Variants in ADI1 observed in about 807,000 individuals in gnomAD.
ADI1 encodes acireductone dioxygenase 1.
A neutral mutation model predicts 18.7 loss-of-function variants in ADI1; 21 were observed. The ratio of observed to expected loss-of-function variants is 1.13; its 90% confidence interval spans 0.80 to 1.62. The LOEUF (loss-of-function observed/expected upper bound fraction) is 1.62. Ranked by LOEUF, ADI1 falls within the 40% of genes most tolerant of loss-of-function variation. The pLI is 0.00. For missense variants in ADI1, 245 were observed against 254.9 expected (o/e 0.96, Z 0.26); for synonymous variants, 90 against 100.1 (o/e 0.90, Z 0.60).
intron 2 of ADI1, among the ~76,000 whole-genome samples, chr2:3,510,225 G>A (rs1667270483): frequency 6.6e-6 from 1 of 151,930 alleles, no homozygotes; most frequent in Admixed American, 6.6e-5. Context: ...CGAAGTGGGA[G>A]GACTGCTTAA....
In ADI1 at chr2:3,498,865, G is replaced by A; in HGVS notation, c.*98C>T. ...CAAAGGAAAGATAATCTAGCCTCAA[G>A]GCTATCCTCTAAAAGCAAAGAGAAA... On this transcript the variant is annotated 3_prime_UTR_variant, in exon 4 of 4. Transcript: ENST00000327435. 1 of 1,487,450 alleles carries A rather than the reference G, an allele frequency of 6.7e-7. No homozygotes were observed. The highest frequency in any genetic ancestry group is 9.1e-7 in the Non-Finnish European group (1 of 1,103,478). The allele number at this position is 1,487,450 out of a possible 1,614,324, so 92.1% of individuals were successfully genotyped here.
rs564554359 is a variant in ADI1, at chr2:3,505,252, G to A, written c.241-4259C>T. Among the ~76,000 whole-genome samples, 13 of 152,326 alleles carry A rather than the reference G, an allele frequency of 8.5e-5. No homozygotes were observed. The East Asian group carries it at 2.3e-3, about 27-fold the overall frequency. ...CTCTTTTTAAATCTGTAAGAGAAGC[G>A]AAGTCACAGAGCAAACCACAGCCCC... On this transcript the variant is annotated intron_variant, in intron 2 of 3. Coordinates refer to ENST00000327435, the MANE Select transcript of ADI1 (RefSeq NM_018269.4).
intron 2 of ADI1, among the ~76,000 whole-genome samples, chr2:3,504,925 A>T (rs559009788): frequency 6.7e-6 from 1 of 149,266 alleles, no homozygotes; most frequent in South Asian, 2.1e-4. Flanking sequence ...GTATGTTTGC[A>T]TTGTCAGTTC....
chr2:3,516,831 TG>T, intron 1 of ADI1: 1 of 985,404 alleles, frequency 1.0e-6, no homozygotes, highest in Non-Finnish European at 1.2e-6. Flanking sequence ...TACACAAACA[TG>T]TCCACATGTG....
intron 2 of ADI1, among the ~76,000 whole-genome samples, chr2:3,503,365 AC>A (rs1667080915): frequency 9.2e-6 from 1 of 109,140 alleles, no homozygotes; most frequent in African/African-American, 7.1e-5. Flanking sequence ...ACATTCACAC[AC>A]ATGCACACAT....
chr2:3,500,854 A>G lies in ADI1; in HGVS notation c.380T>C (p.Leu127Pro). 3 of 1,614,082 alleles carry G rather than the reference A, an allele frequency of 1.9e-6. No homozygotes were observed. The highest frequency in any genetic ancestry group is 2.5e-6 in the Non-Finnish European group (3 of 1,180,004). Residue 127 changes from leucine to proline, a missense_variant, in exon 3 of 4, where the codon CTC becomes CCC. Coordinates refer to ENST00000327435, the MANE Select transcript of ADI1 (RefSeq NM_018269.4). ...IFMEKGDMVT[L>P]PAGIYHRFTV... Reference sequence around the variant, plus strand: ...GAAGCGGTGATAGATCCCCGCGGGGAGCGTCACCATGTCTCCCTTCTCCAT... The same window carrying G: ...GAAGCGGTGATAGATCCCCGCGGGGGGCGTCACCATGTCTCCCTTCTCCAT...
rs1386225965 is a variant in ADI1, at chr2:3,497,950, G to A, written c.*1013C>T. On this transcript the variant is annotated 3_prime_UTR_variant, in exon 4 of 4. Transcript: ENST00000327435. ...GATCAGCACTTATTTTAATTACTGAGATAGAGTCACACTTGACAGAAGCAA... is the reference window on the plus strand; with the variant it reads ...GATCAGCACTTATTTTAATTACTGAAATAGAGTCACACTTGACAGAAGCAA... 1 of 152,208 alleles carries A rather than the reference G, an allele frequency of 6.6e-6. No homozygotes were observed. The highest frequency in any genetic ancestry group is 1.9e-4 in the East Asian group (1 of 5,182). 9.4% of individuals were successfully genotyped at this position (152,208 alleles called of 1,614,324 possible). A position where few individuals can be genotyped will look rare whatever the true frequency, so the allele number is the denominator to read the frequency against.
At chr2:3,514,884 A>G (rs765212189) in intron 1 of ADI1, 22 of 1,542,696 alleles carry the variant, frequency 1.4e-5, no homozygotes, top group Middle Eastern at 1.8e-4. Context: ...GCAGAGGAAC[A>G]TAAGTTTTGA....
chr2:3,509,954 A>T (rs1301061654), intron 2 of ADI1, among the ~76,000 whole-genome samples: 1 of 151,868 alleles, frequency 6.6e-6, no homozygotes, highest in Non-Finnish European at 1.5e-5. Context: ...GACCAGCCTG[A>T]CCAACATGGA....
intron 3 of ADI1, 181 bp downstream of exon 3, chr2:3,500,633 A>G: frequency 1.3e-6 from 1 of 788,610 alleles, no homozygotes; most frequent in Non-Finnish European, 2.1e-6. Context: ...CCACGGAAGG[A>G]CAGCTGTCAC....
chr2:3,519,414 G>T lies in ADI1; in HGVS notation c.74C>A (p.Pro25Gln). ...CCGCCGCAGCTGCTCCAGGCCCACT[G>T]GGCGGCCGGGGTCGGGGCGGTGGGG... ...RQPHRPDPGR[P>Q]VGLEQLRRLG... Residue 25 changes from proline (P) to glutamine (Q), a missense_variant, in exon 1 of 4, where the codon CCA becomes CAA. Physicochemically the swap from Pro to Gln is moderately conservative, Grantham distance 76. Coordinates refer to ENST00000327435, the MANE Select transcript of ADI1 (RefSeq NM_018269.4). 7.2e-7 allele frequency: 1 copy of T among 1,387,584 alleles called. No individual in the cohort carries two copies. Among genetic ancestry groups the T allele is most frequent in the Non-Finnish European group, 9.3e-7 (1 of 1,077,908 alleles). 86.0% of individuals were successfully genotyped at this position (1,387,584 alleles called of 1,614,324 possible).
chr2:3,500,788 C>T (rs776268513), intron 3 of ADI1, 26 bp downstream of exon 3: 2 of 1,613,050 alleles, frequency 1.2e-6, no homozygotes, highest in Non-Finnish European at 1.7e-6. Flanking sequence ...CAGGCCGGGC[C>T]TGGGGAGAAA....
intron 2 of ADI1, among the ~76,000 whole-genome samples, chr2:3,508,697 T>C (rs1667230465): frequency 6.6e-6 from 1 of 150,806 alleles, no homozygotes; most frequent in African/African-American, 2.4e-5. Flanking sequence ...AGCCCAGGAG[T>C]TCAAAAGCAG....
At chr2:3,510,130 CG>C (rs1667267494) in intron 2 of ADI1, among the ~76,000 whole-genome samples, 1 of 138,214 alleles carries the variant, frequency 7.2e-6, no homozygotes, top group African/African-American at 2.8e-5. Context: ...GCAACAAGAG[CG>C]GAACTCTGTC....
intron 2 of ADI1, among the ~76,000 whole-genome samples, chr2:3,501,946 T>C (rs550929306): frequency 3.3e-5 from 5 of 152,208 alleles, no homozygotes; most frequent in African/African-American, 7.2e-5. Context: ...TCACCAAGAC[T>C]GTGCCCTTAT....
rs142854090 is a variant in ADI1, at chr2:3,517,963, CTCTTGT to C, written c.120+1399_120+1404del. On this transcript the variant is annotated intron_variant, in intron 1 of 3. Coordinates refer to ENST00000327435, the MANE Select transcript of ADI1 (RefSeq NM_018269.4). ...ATTAAGAAGCTGACCTGTAATCTCA[CTCTTGT>C]TCTTGTTCTTAAAACCGTCAAATGC... Among the ~76,000 whole-genome samples the C allele has an allele frequency of 1.2e-3, 187 of 152,294 alleles. 1 individual carries two copies. In the East Asian group the frequency reaches 0.032, roughly 26 times the overall value.
Position 3,514,836 on chromosome 2 carries a change from G to C in ADI1, c.121-860C>G, listed in dbSNP as rs911678080. The C allele has an allele frequency of 3.2e-6, 5 of 1,548,922 alleles. No homozygotes were observed. The African/African-American group carries it at 6.8e-5, about 21-fold the overall frequency. On this transcript the variant is annotated intron_variant, in intron 1 of 3. Coordinates refer to ENST00000327435, the MANE Select transcript of ADI1 (RefSeq NM_018269.4). Reference sequence around the variant, plus strand: ...ACAACAAACTCCAGTGTTGCAGGAAGTCAGGGACCCCGAATGGAGGGACCG... The same window carrying C: ...ACAACAAACTCCAGTGTTGCAGGAACTCAGGGACCCCGAATGGAGGGACCG...
At chr2:3,506,687 C>A (rs1667183793) in intron 2 of ADI1, among the ~76,000 whole-genome samples, 2 of 152,190 alleles carry the variant, frequency 1.3e-5, no homozygotes, top group Non-Finnish European at 2.9e-5. Flanking sequence ...CACATATCAG[C>A]AAACTGACTG....
intron 1 of ADI1, chr2:3,517,661 G>A (rs113073687): frequency 3.5e-4 from 53 of 152,158 alleles, no homozygotes; most frequent in African/African-American, 1.2e-3. Flanking sequence ...AGCTACTCGG[G>A]AGGCTGACAC....
Sources: gnomAD v4.1 joint callset for allele counts (sites outside exome capture counted in the v4.1 genomes callset) on GRCh38, gnomAD v4.1.1 for gene constraint, MANE v1.5 for transcripts, NCBI Gene and HGNC (gene_info 2026-07-23, HGNC 2026-07-21) for gene names.